KAZN: variants seen among roughly 807,000 people sequenced by gnomAD.
The protein encoded by KAZN is kazrin.
Under a neutral mutation model 87.4 loss-of-function variants are expected in KAZN, and 40 were observed. That is an observed-to-expected ratio of 0.46 (90% CI 0.36 to 0.60). The LOEUF (loss-of-function observed/expected upper bound fraction) is 0.60. KAZN is among the 20% of genes least tolerant of loss of function. The pLI, the probability that KAZN is intolerant of heterozygous loss-of-function variation, is 0.00. For synonymous variants in KAZN, 466 were observed against 458.3 expected (o/e 1.02, Z -0.22); for missense variants, 898 against 1,073.9 (o/e 0.84, Z 2.29).
At chr1:14,454,314 C>T (rs1412879790) in intron 2 of KAZN, among the ~76,000 whole-genome samples, 1 of 152,200 alleles carries the variant, frequency 6.6e-6, no homozygotes, top group Non-Finnish European at 1.5e-5. Context: ...ACACATTCAA[C>T]ACCATTTAGT....
At chr1:14,915,015 C>A (rs1306694651) in intron 1 of KAZN, among the ~76,000 whole-genome samples, 1 of 152,148 alleles carries the variant, frequency 6.6e-6, no homozygotes, top group East Asian at 1.9e-4. Flanking sequence ...TGGAGAAACC[C>A]CATCACTACT....
chr1:14,589,150 A>G (rs1343156419), intron 2 of KAZN, among the ~76,000 whole-genome samples: 1 of 152,178 alleles, frequency 6.6e-6, no homozygotes, highest in Non-Finnish European at 1.5e-5. Flanking sequence ...TGAAGCTGTC[A>G]GAGTACCTAC....
At chr1:14,619,131 G>C (rs927063007) in intron 1 of KAZN, among the ~76,000 whole-genome samples, 3 of 152,092 alleles carry the variant, frequency 2.0e-5, no homozygotes, top group Non-Finnish European at 4.4e-5. Flanking sequence ...GATTTAGAAG[G>C]TTCTGATAAA....
chr1:13,951,205 C>T (rs752708270), intron 1 of KAZN, among the ~76,000 whole-genome samples: 1 of 152,160 alleles, frequency 6.6e-6, no homozygotes, highest in African/African-American at 2.4e-5. Context: ...TTTGAGTGAA[C>T]ATCCTGGCTC....
chr1:14,334,053 T>G (rs1286201257), intron 2 of KAZN, among the ~76,000 whole-genome samples: 3 of 151,582 alleles, frequency 2.0e-5, no homozygotes, highest in African/African-American at 7.3e-5. Flanking sequence ...GACTTTCACT[T>G]TCCCCCTACA....
chr1:13,939,311 T>G (rs950870104), intron 1 of KAZN, among the ~76,000 whole-genome samples: 1 of 152,236 alleles, frequency 6.6e-6, no homozygotes, highest in Non-Finnish European at 1.5e-5. Flanking sequence ...CTGCTTAGAA[T>G]TTTTTTCCAC....
intron 2 of KAZN, among the ~76,000 whole-genome samples, chr1:14,276,264 ACAT>A (rs36027877): frequency 1.5e-4 from 23 of 151,512 alleles, no homozygotes; most frequent in East Asian, 3.9e-4. Flanking sequence ...TACTTCATCA[ACAT>A]CATCATCATC....
chr1:14,097,400 C>T (rs1470201990), intron 1 of KAZN, among the ~76,000 whole-genome samples: 1 of 152,150 alleles, frequency 6.6e-6, no homozygotes, highest in African/African-American at 2.4e-5. Context: ...TTCCCCACTC[C>T]CTGCTTGCCT....
chr1:14,771,037 C>G (rs1342128159), intron 1 of KAZN, among the ~76,000 whole-genome samples: 2 of 152,160 alleles, frequency 1.3e-5, no homozygotes, highest in Admixed American at 1.3e-4. Flanking sequence ...GGACACCCAT[C>G]CATGTGATCT....
chr1:14,938,690 A>G (rs2101624786), intron 1 of KAZN, among the ~76,000 whole-genome samples: 1 of 152,306 alleles, frequency 6.6e-6, no homozygotes, highest in South Asian at 2.1e-4. Context: ...TGCAGTTAGC[A>G]TCTGCCCGGG....
chr1:14,884,513 T>C (rs1416990209), intron 1 of KAZN, among the ~76,000 whole-genome samples: 2 of 152,188 alleles, frequency 1.3e-5, no homozygotes, highest in African/African-American at 4.8e-5. Flanking sequence ...TTGTGTGGCT[T>C]TGGTGTGAAT....
At chr1:14,527,430 T>C (rs1214433536) in intron 2 of KAZN, among the ~76,000 whole-genome samples, 2 of 151,604 alleles carry the variant, frequency 1.3e-5, no homozygotes, top group African/African-American at 4.9e-5. Flanking sequence ...GCACCTGTAA[T>C]CCCGACTACT....
intron 2 of KAZN, among the ~76,000 whole-genome samples, chr1:14,963,923 T>A (rs943964149): frequency 3.9e-5 from 6 of 152,172 alleles, no homozygotes; most frequent in Non-Finnish European, 7.3e-5. Context: ...AGAATGATGG[T>A]TTCTAGCTTC....
At chr1:14,546,239 A>G (rs1673133714) in intron 2 of KAZN, among the ~76,000 whole-genome samples, 1 of 152,338 alleles carries the variant, frequency 6.6e-6, no homozygotes, top group African/African-American at 2.4e-5. Context: ...CACACTGTCA[A>G]TAGCCAATCA....
chr1:14,499,317 C>G (rs1262751419), intron 2 of KAZN, among the ~76,000 whole-genome samples: 1 of 152,202 alleles, frequency 6.6e-6, no homozygotes, highest in African/African-American at 2.4e-5. Context: ...AAGTGCACTT[C>G]TCTTGCACAT....
At chr1:14,296,177 G>C (rs904820495) in intron 2 of KAZN, among the ~76,000 whole-genome samples, 29 of 152,210 alleles carry the variant, frequency 1.9e-4, no homozygotes, top group African/African-American at 6.8e-4. Context: ...GCATAAAGAA[G>C]ACACAATAAA....
intron 1 of KAZN, among the ~76,000 whole-genome samples, chr1:14,854,964 T>C (rs1446802436): frequency 2.0e-5 from 3 of 152,016 alleles, no homozygotes; most frequent in Non-Finnish European, 4.4e-5. Context: ...CAACACTAGA[T>C]GATTTTATGG....
intron 2 of KAZN, among the ~76,000 whole-genome samples, chr1:14,473,574 C>T (rs911118283): frequency 1.7e-4 from 26 of 149,370 alleles, no homozygotes; most frequent in Non-Finnish European, 2.5e-4. Context: ...TTGCAGTGGC[C>T]GAGATCGTGC....
At chr1:14,324,600 C>T (rs1229894945) in intron 2 of KAZN, among the ~76,000 whole-genome samples, 1 of 152,154 alleles carries the variant, frequency 6.6e-6, no homozygotes, top group African/African-American at 2.4e-5. Context: ...CAAAATAAGA[C>T]ATAATGGCCT....
Sources: allele counts gnomAD v4.1 joint callset (sites outside exome capture counted in the v4.1 genomes callset), GRCh38; gene constraint gnomAD v4.1.1; transcripts MANE v1.5; gene names NCBI Gene and HGNC (gene_info 2026-07-23, HGNC 2026-07-21).